Variants in ACAP3 observed in about 807,000 individuals in gnomAD.
ACAP3 encodes the protein ArfGAP with coiled-coil, ankyrin repeat and PH domains 3, also known as arf-GAP with coiled-coil, ANK repeat and PH domain-containing protein 3.
A neutral mutation model predicts 104.1 loss-of-function variants in ACAP3; 56 were observed. The ratio of observed to expected loss-of-function variants is 0.54; its 90% CI spans 0.43 to 0.67. The LOEUF (loss-of-function observed/expected upper bound fraction) is 0.67, where lower values mean the gene tolerates loss of function less well. ACAP3 is among the 30% of genes least tolerant of loss of function. The pLI, the probability that ACAP3 is intolerant of heterozygous loss-of-function variation, is 0.00. For missense variants in ACAP3, 1,208 were observed against 1,174.9 expected (o/e 1.03, Z -0.41); for synonymous variants, 628 against 496.2 (o/e 1.27, Z -3.53).
Position 1,294,909 on chromosome 1 carries a change from G to A in ACAP3, c.1814-93C>T, listed in dbSNP as rs912089788. On this transcript the variant is annotated intron_variant, in intron 19 of 23. Coordinates refer to ENST00000354700, the MANE Select transcript of ACAP3 (RefSeq NM_030649.3). ...AGGCTGGAACTCCACCCACCCTCCAGGGGCCACCCCTAGGGACAGGACCAG... is the reference window on the plus strand; with the variant it reads ...AGGCTGGAACTCCACCCACCCTCCAAGGGCCACCCCTAGGGACAGGACCAG... The A allele has an allele frequency of 1.1e-5, 14 of 1,311,050 alleles. No individual in the cohort carries two copies. The African/African-American group carries it at 1.9e-4, about 18-fold the overall frequency. The allele number at this position is 1,311,050 out of a possible 1,614,324, so 81.2% of individuals were successfully genotyped here.
At chr1:1,301,059 G>A (rs578091082) in intron 5 of ACAP3, among the ~76,000 whole-genome samples, 4 of 152,066 alleles carry the variant, frequency 2.6e-5, no homozygotes, top group East Asian at 1.9e-4. Context: ...GAGCCACTGC[G>A]CCTGGCCTGG....
chr1:1,302,842 G>T, intron 4 of ACAP3, 80 bp downstream of exon 4: 2 of 1,095,542 alleles, frequency 1.8e-6, no homozygotes, highest in Non-Finnish European at 1.3e-6. Flanking sequence ...CCCCCAACCC[G>T]ACGCCGGCCT....
At position 1,295,778 on chromosome 1, in the gene ACAP3, G is replaced by A. The variant is rs946010151; in HGVS notation, c.1663C>T (p.Arg555Trp). 4 of 1,608,448 alleles carry A rather than the reference G, an allele frequency of 2.5e-6. No homozygotes were observed. The highest frequency in any genetic ancestry group is 3.4e-6 in the Non-Finnish European group (4 of 1,179,608). ...ACACAGGGCAGAACGGGCTCAAGCC[G>A]GACCTTGCGGCGGGCAGTGGGAGCG... ...PRAPTARRKV[R>W]LEPVLPCVAA... The change falls in exon 18 of 24, where the codon CGG (arginine) becomes TGG (tryptophan). Residue 555 changes from arginine to tryptophan, a missense_variant. By Grantham distance (101) the Arg-to-Trp change is moderately radical. Transcript: ENST00000354700.
At chr1:1,301,929 C>T in intron 5 of ACAP3, 59 bp downstream of exon 5, 5 of 1,463,920 alleles carry the variant, frequency 3.4e-6, no homozygotes, top group Non-Finnish European at 4.6e-6. Context: ...GACCCCCTTC[C>T]CCTCCAAGGG....
At position 1,303,832 on chromosome 1, in the gene ACAP3, C is replaced by T; in HGVS notation, c.105+254G>A. 3.5e-6 allele frequency: 2 copies of T among 572,440 alleles called. No homozygotes were observed. Among genetic ancestry groups the T allele is most frequent in the South Asian group, 4.1e-5 (2 of 48,626 alleles). 35.5% of individuals were successfully genotyped at this position (572,440 alleles called of 1,614,324 possible). A position where few individuals can be genotyped will look rare whatever the true frequency, so the allele number is the denominator to read the frequency against. ...CAGCCCAGCAGAGGGGACGGGCAGC[C>T]ACCGTGGGTCGGGGACTCACCACAG... On this transcript the variant is annotated intron_variant, in intron 2 of 23. Coordinates refer to ENST00000354700, the MANE Select transcript of ACAP3 (RefSeq NM_030649.3). The surrounding 1 kb of genome is among the most constrained non-coding windows in gnomAD (Gnocchi z 4.0).
chr1:1,295,649 C>G, intron 18 of ACAP3, 87 bp downstream of exon 18: 1 of 1,552,312 alleles, frequency 6.4e-7, no homozygotes, highest in South Asian at 1.2e-5. Flanking sequence ...CTGAGGTGCC[C>G]CCAGAGCCCT....
chr1:1,296,071 G>A lies in ACAP3; in HGVS notation c.1446C>T (p.Ile482=), dbSNP rs754447848. The change falls in exon 17 of 24, where the codon ATC becomes ATT. Residue 482 remains isoleucine (I), a synonymous_variant. Transcript: ENST00000354700. ...CTGCACCCTCACACTGGGCCTCATA[G>A]ATCTGATTCACAGCGCTGTTTCCAA... is the stretch of plus-strand genomic sequence containing the variant. ...CELGNSAVNQ[I]YEAQCEGAGS... 6 of 1,612,674 alleles carry A rather than the reference G, an allele frequency of 3.7e-6. No individual in the cohort carries two copies. The Admixed American group carries it at 5.0e-5, about 13-fold the overall frequency.
In ACAP3 at chr1:1,296,570, G is replaced by T. The variant is rs1412379047; in HGVS notation, c.1192C>A (p.Arg398Ser). Residue 398 changes from arginine to serine, a missense_variant, in exon 15 of 24, where the codon CGT becomes AGT. Transcript: ENST00000354700. ...SIDSATDTRERGVKGESVLQR... is the reference protein window; with the variant it reads ...SIDSATDTRESGVKGESVLQR... The stretch of plus-strand genomic sequence containing the variant: ...AGCACACTCTCGCCCTTCACGCCAC[G>T]CTCCCGAGTGTCGGTGGCGGAGTCG... 6.5e-7 allele frequency: 1 copy of T among 1,539,610 alleles called. No individual in the cohort carries two copies. Among genetic ancestry groups the T allele is most frequent in the Admixed American group, 2.0e-5 (1 of 51,004 alleles).
chr1:1,306,893 G>A (rs780486659), intron 1 of ACAP3, among the ~76,000 whole-genome samples: 7 of 152,184 alleles, frequency 4.6e-5, no homozygotes, highest in Admixed American at 1.3e-4. Flanking sequence ...GTGTGCACAC[G>A]CTTGCGTGCA....
Position 1,294,480 on chromosome 1 carries a change from C to A in ACAP3, c.2061G>T (p.Ala687=), listed in dbSNP as rs202162654. The A allele has an allele frequency of 1.3e-6, 2 of 1,548,864 alleles. No homozygotes were observed. The highest frequency in any genetic ancestry group is 1.7e-6 in the Non-Finnish European group (2 of 1,154,112). Residue 687 remains alanine (A), a synonymous_variant, in exon 21 of 24, where the codon GCG becomes GCT. Transcript: ENST00000354700. ...AGTTGACCTCGGCCCCGTGGGCCAG[C>A]GCCGCCGCCAGCGCAGGAAGGTCGC... The part of the protein sequence containing the change: ...RARDLPALAA[A]LAHGAEVNWA...
chr1:1,298,508 CGCCTGAGGA>C, intron 11 of ACAP3, 50 bp downstream of exon 11: 10 of 1,363,874 alleles, frequency 7.3e-6, no homozygotes, highest in South Asian at 3.0e-5. Context: ...ACCCCACCCC[CGCCTGAGGA>C]CCCCACCCCC....
At position 1,295,474 on chromosome 1, in the gene ACAP3, C is replaced by A; in HGVS notation, c.1786G>T (p.Ala596Ser). The A allele has an allele frequency of 6.2e-7, 1 of 1,612,584 alleles. No homozygotes were observed. The highest frequency in any genetic ancestry group is 1.1e-5 in the South Asian group (1 of 91,084). ...ELDSLFSYFD[A>S]GAAGAGPRSL... Reference sequence around the variant, plus strand: ...CGAGGGCCAGCCCCTGCGGCCCCTGCGTCGAAGTAGGAGAAGAGCGAGTCC... The same window carrying A: ...CGAGGGCCAGCCCCTGCGGCCCCTGAGTCGAAGTAGGAGAAGAGCGAGTCC... The change falls in exon 19 of 24, where the codon GCA (alanine) becomes TCA (serine). Residue 596 changes from alanine to serine, a missense_variant. Ala to Ser is a moderately conservative substitution (Grantham distance 99). Transcript: ENST00000354700.
Position 1,307,809 on chromosome 1 carries a change from C to T in ACAP3, c.7G>A (p.Val3Met), listed in dbSNP as rs958633560. The change falls in exon 1 of 24, where the codon GTG (valine) becomes ATG (methionine). Residue 3 changes from valine to methionine, a missense_variant. Val to Met is a conservative substitution (Grantham distance 21). Coordinates refer to ENST00000354700, the MANE Select transcript of ACAP3 (RefSeq NM_030649.3). MT[V>M]EFEECVKDSP... Reference sequence around the variant, plus strand: ...TCCTTGACGCACTCCTCGAACTCCACGGTCATGGCTGCGGCGGCCGCGGCG... The same window carrying T: ...TCCTTGACGCACTCCTCGAACTCCATGGTCATGGCTGCGGCGGCCGCGGCG... 2.8e-6 allele frequency: 3 copies of T among 1,069,826 alleles called. No homozygotes were observed. Among genetic ancestry groups the T allele is most frequent in the African/African-American group, 1.7e-5 (1 of 58,760 alleles). The allele number at this position is 1,069,826 out of a possible 1,614,324, so 66.3% of individuals were successfully genotyped here. A position where few individuals can be genotyped will look rare whatever the true frequency, so the allele number is the denominator to read the frequency against.
In ACAP3 at chr1:1,295,512, C is replaced by T. The variant is rs1314191497; in HGVS notation, c.1748G>A (p.Cys583Tyr). The part of the protein sequence containing the change: ...DRKFRRDSLF[C>Y]PDELDSLFSY... Reference sequence around the variant, plus strand: ...GAAGAGCGAGTCCAGCTCGTCGGGACAGAAGAGGGAGTCTCGGCGGAACTT... The same window carrying T: ...GAAGAGCGAGTCCAGCTCGTCGGGATAGAAGAGGGAGTCTCGGCGGAACTT... Residue 583 changes from cysteine (C) to tyrosine (Y), a missense_variant, in exon 19 of 24, where the codon TGT becomes TAT. Coordinates refer to ENST00000354700, the MANE Select transcript of ACAP3 (RefSeq NM_030649.3). 2 of 1,612,670 alleles carry T rather than the reference C, an allele frequency of 1.2e-6. No homozygotes were observed. The highest frequency in any genetic ancestry group is 4.5e-5 in the East Asian group (2 of 44,876).
In ACAP3 at chr1:1,295,846, C is replaced by T. The variant is rs767716088; in HGVS notation, c.1595G>A (p.Arg532His). 4.3e-6 allele frequency: 7 copies of T among 1,611,532 alleles called. No homozygotes were observed. The highest frequency in any genetic ancestry group is 3.3e-4 in the Middle Eastern group (2 of 6,060). The change falls in exon 18 of 24, where the codon CGC (arginine) becomes CAC (histidine). Residue 532 changes from arginine (R) to histidine (H), a missense_variant. Coordinates refer to ENST00000354700, the MANE Select transcript of ACAP3 (RefSeq NM_030649.3). The part of the protein sequence containing the change: ...PMAPALEAPR[R>H]WRVQKCLRPH... ...CCGCAGGCACTTCTGCACCCTCCAG[C>T]GTCTTGGGGCCTCCAGGGCTGGTGC... is the stretch of plus-strand genomic sequence containing the variant.
chr1:1,299,148 G>C, intron 10 of ACAP3, 197 bp downstream of exon 10: 1 of 694,888 alleles, frequency 1.4e-6, no homozygotes, highest in Non-Finnish European at 2.4e-6. Flanking sequence ...GGATGGGAAG[G>C]GACAGCTGCC....
rs1248956104 is a variant in ACAP3, at chr1:1,295,514, G to T, written c.1746C>A (p.Phe582Leu). Residue 582 changes from phenylalanine to leucine, a missense_variant, in exon 19 of 24, where the codon TTC becomes TTA. Phe to Leu is a conservative substitution (Grantham distance 22). Coordinates refer to ENST00000354700, the MANE Select transcript of ACAP3 (RefSeq NM_030649.3). Reference sequence around the variant, plus strand: ...AGAGCGAGTCCAGCTCGTCGGGACAGAAGAGGGAGTCTCGGCGGAACTTAC... The same window carrying T: ...AGAGCGAGTCCAGCTCGTCGGGACATAAGAGGGAGTCTCGGCGGAACTTAC... Reference protein sequence around the residue: ...LDRKFRRDSLFCPDELDSLFS... With the variant: ...LDRKFRRDSLLCPDELDSLFS... The T allele has an allele frequency of 6.2e-7, 1 of 1,612,582 alleles. No individual in the cohort carries two copies. Among genetic ancestry groups the T allele is most frequent in the East Asian group, 2.2e-5 (1 of 44,888 alleles).
chr1:1,302,465 G>A (rs908467424), intron 4 of ACAP3, among the ~76,000 whole-genome samples: 1 of 152,178 alleles, frequency 6.6e-6, no homozygotes, highest in African/African-American at 2.4e-5. Flanking sequence ...GAGAAGGACC[G>A]GGCACAACCA....
intron 10 of ACAP3, 198 bp downstream of exon 10, chr1:1,299,147 G>T: frequency 1.4e-6 from 1 of 689,696 alleles, no homozygotes; most frequent in Non-Finnish European, 2.4e-6. Context: ...GGGATGGGAA[G>T]GGACAGCTGC....
Sources: allele counts gnomAD v4.1 joint callset (sites outside exome capture counted in the v4.1 genomes callset), GRCh38; gene constraint gnomAD v4.1.1; non-coding constraint Gnocchi (gnomAD v3.1); transcripts MANE v1.5; gene names NCBI Gene and HGNC (gene_info 2026-07-23, HGNC 2026-07-21).